The following PARD3 variants were observed in gnomAD, a reference collection of about 807,000 sequenced individuals.
PARD3 encodes the protein par-3 family cell polarity regulator.
PARD3 carries 75 observed loss-of-function variants against 155.4 expected under a neutral mutation model. The ratio of observed to expected loss-of-function variants is 0.48; its 90% CI spans 0.40 to 0.58. The LOEUF (loss-of-function observed/expected upper bound fraction) is 0.58. Ranked by LOEUF, PARD3 falls within the 20% of genes least tolerant of loss-of-function variation. PARD3 has a pLI of 0.00. For missense variants in PARD3, 1,642 were observed against 1,721.7 expected (o/e 0.95, Z 0.82); for synonymous variants, 576 against 610.5 (o/e 0.94, Z 0.83).
intron 2 of PARD3, among the ~76,000 whole-genome samples, chr10:34,612,994 A>G (rs1242687177): frequency 6.6e-6 from 1 of 152,160 alleles, no homozygotes; most frequent in African/African-American, 2.4e-5. Context: ...AGTGTACAAA[A>G]CCTAAACCTA....
At chr10:34,307,481 T>C (rs80064887) in intron 20 of PARD3, among the ~76,000 whole-genome samples, 8 of 152,264 alleles carry the variant, frequency 5.3e-5, no homozygotes, top group African/African-American at 1.9e-4. Flanking sequence ...CTGCACATTC[T>C]AATGTCAGCA....
chr10:34,682,845 C>T (rs941698122), intron 2 of PARD3, among the ~76,000 whole-genome samples: 5 of 152,068 alleles, frequency 3.3e-5, no homozygotes, highest in African/African-American at 1.2e-4. Flanking sequence ...ACTCCAGCCT[C>T]GGTGACAGAG....
chr10:34,727,732 T>C (rs565787507), intron 1 of PARD3, among the ~76,000 whole-genome samples: 3 of 152,266 alleles, frequency 2.0e-5, no homozygotes, highest in South Asian at 2.1e-4. Flanking sequence ...CCTCCAGCCC[T>C]GTTACGAAAC....
At chr10:34,660,873 A>T (rs1464002733) in intron 2 of PARD3, among the ~76,000 whole-genome samples, 1 of 152,134 alleles carries the variant, frequency 6.6e-6, no homozygotes, top group East Asian at 1.9e-4. Flanking sequence ...TCACACAGAA[A>T]TATTGTGTTT....
At chr10:34,427,295 A>C (rs947983548) in intron 5 of PARD3, among the ~76,000 whole-genome samples, 3 of 152,206 alleles carry the variant, frequency 2.0e-5, no homozygotes, top group African/African-American at 7.2e-5. Context: ...AATATTAATA[A>C]TTAACAGCTC....
chr10:34,487,570 A>G (rs546727427), intron 3 of PARD3, among the ~76,000 whole-genome samples: 3 of 152,208 alleles, frequency 2.0e-5, no homozygotes. Context: ...TCTACCAGGA[A>G]AAGGACAAAG....
At chr10:34,540,449 A>T (rs947738154) in intron 2 of PARD3, among the ~76,000 whole-genome samples, 1 of 152,154 alleles carries the variant, frequency 6.6e-6, no homozygotes, top group Non-Finnish European at 1.5e-5. Flanking sequence ...ACAAAGATAT[A>T]AGTATACAAT....
chr10:34,319,215 A>G (rs1958222737), intron 19 of PARD3, among the ~76,000 whole-genome samples: 1 of 151,146 alleles, frequency 6.6e-6, no homozygotes, highest in Admixed American at 6.6e-5. Context: ...CAGCCCCCCA[A>G]GTAGCTGGGA....
At chr10:34,467,765 A>C (rs191857628) in intron 4 of PARD3, among the ~76,000 whole-genome samples, 10 of 152,208 alleles carry the variant, frequency 6.6e-5, no homozygotes, top group Non-Finnish European at 1.3e-4. Context: ...AAATAAATAA[A>C]TAAATATTTA....
chr10:34,455,114 G>A (rs575720452), intron 4 of PARD3, among the ~76,000 whole-genome samples: 1 of 152,230 alleles, frequency 6.6e-6, no homozygotes, highest in East Asian at 1.9e-4. Context: ...AGTCAGAACT[G>A]GGGTTTCATA....
In PARD3 at chr10:34,681,635, T is replaced by C. The variant is rs540138485; in HGVS notation, c.222+14683A>G. 4.8e-5 allele frequency among the ~76,000 whole-genome samples: 7 copies of C among 146,182 alleles called. No homozygotes were observed. The South Asian group carries it at 1.5e-3, about 31-fold the overall frequency. On this transcript the variant is annotated intron_variant, in intron 2 of 24. Coordinates refer to ENST00000374788, the MANE Select transcript of PARD3 (RefSeq NM_001184785.2). ...TAGCATTTTCCTTTATTATATATAA[T>C]ATATATCAAATATATAGTATTATAC...
intron 21 of PARD3, among the ~76,000 whole-genome samples, chr10:34,277,264 T>C (rs1455264426): frequency 6.6e-6 from 1 of 152,176 alleles, no homozygotes; most frequent in Non-Finnish European, 1.5e-5. Flanking sequence ...TAGTCCACCA[T>C]GGAAGGCTTT....
chr10:34,636,027 A>AAAG (rs780203352), intron 2 of PARD3, among the ~76,000 whole-genome samples: 15 of 152,062 alleles, frequency 9.9e-5, no homozygotes, highest in Admixed American at 3.9e-4. Flanking sequence ...ATTAAAAAAA[A>AAAG]AAGAAGAAGA....
intron 2 of PARD3, among the ~76,000 whole-genome samples, chr10:34,692,827 T>C (rs1054848560): frequency 2.6e-5 from 4 of 152,188 alleles, no homozygotes; most frequent in African/African-American, 9.6e-5. Context: ...TGAGCTGAGA[T>C]TGTGCCACTT....
chr10:34,654,060 T>C (rs1326305171), intron 2 of PARD3, among the ~76,000 whole-genome samples: 1 of 152,130 alleles, frequency 6.6e-6, no homozygotes, highest in Non-Finnish European at 1.5e-5. Context: ...ACCTTGTCTT[T>C]ATTAATTGCT....
chr10:34,813,266 A>G (rs970912556), intron 1 of PARD3, among the ~76,000 whole-genome samples: 1 of 152,158 alleles, frequency 6.6e-6, no homozygotes, highest in Non-Finnish European at 1.5e-5. Context: ...CCCTCTTCCT[A>G]TTCAGGAGCC....
chr10:34,532,967 T>A (rs2133814267), intron 2 of PARD3, among the ~76,000 whole-genome samples: 1 of 152,338 alleles, frequency 6.6e-6, no homozygotes, highest in Admixed American at 6.5e-5. Context: ...TAAGCTATTA[T>A]GTTACAGCCT....
chr10:34,729,530 CAAAA>C (rs56210783), intron 1 of PARD3, among the ~76,000 whole-genome samples: 1 of 111,492 alleles, frequency 9.0e-6, no homozygotes, highest in Non-Finnish European at 1.8e-5. Context: ...GACTCCATCT[CAAAA>C]AAAAAAAAAA....
chr10:34,557,978 G>A (rs2085149551), intron 2 of PARD3, among the ~76,000 whole-genome samples: 1 of 151,478 alleles, frequency 6.6e-6, no homozygotes. Flanking sequence ...AGTACAAAAG[G>A]TATCACAAAA....
Sources: allele counts gnomAD v4.1 joint callset (sites outside exome capture counted in the v4.1 genomes callset), GRCh38; gene constraint gnomAD v4.1.1; transcripts MANE v1.5; gene names NCBI Gene and HGNC (gene_info 2026-07-23, HGNC 2026-07-21).